Variants in INPP4B observed in about 807,000 individuals in gnomAD.
The protein encoded by INPP4B is inositol polyphosphate 4-phosphatase type II.
In INPP4B, 55 loss-of-function variants were observed where a neutral mutation model predicts 122.5. The ratio of observed to expected loss-of-function variants is 0.45; its 90% CI spans 0.36 to 0.56. The LOEUF (loss-of-function observed/expected upper bound fraction) is 0.56. Among genes scored for constraint, INPP4B ranks in the 20% least tolerant of loss-of-function variants. The pLI is 0.00. For missense variants in INPP4B, 1,000 were observed against 1,097.7 expected (o/e 0.91, Z 1.26); for synonymous variants, 403 against 388.7 (o/e 1.04, Z -0.43).
chr4:142,085,217 T>C (rs1163393399), intron 24 of INPP4B, among the ~76,000 whole-genome samples: 4 of 152,182 alleles, frequency 2.6e-5, no homozygotes, highest in Non-Finnish European at 4.4e-5. Flanking sequence ...ATCCATTCCT[T>C]TTTCCCAGAA....
At chr4:142,652,371 G>A (rs904782255) in intron 2 of INPP4B, among the ~76,000 whole-genome samples, 6 of 151,982 alleles carry the variant, frequency 3.9e-5, no homozygotes, top group Non-Finnish European at 8.8e-5. Flanking sequence ...TTCTGGCCAG[G>A]GCAATCAGGC....
chr4:142,533,334 T>C (rs1352840291), intron 2 of INPP4B, among the ~76,000 whole-genome samples: 1 of 152,198 alleles, frequency 6.6e-6, no homozygotes. Context: ...TTTAGGAAGA[T>C]TGTATGGTGA....
chr4:142,278,105 C>T (rs1263040175), intron 9 of INPP4B, among the ~76,000 whole-genome samples: 1 of 151,834 alleles, frequency 6.6e-6, no homozygotes, highest in Non-Finnish European at 1.5e-5. Context: ...CCATTGGGTT[C>T]CAGTTGCAGG....
intron 9 of INPP4B, among the ~76,000 whole-genome samples, chr4:142,278,663 A>C (rs1490076753): frequency 6.6e-6 from 1 of 151,786 alleles, no homozygotes; most frequent in Admixed American, 6.6e-5. Flanking sequence ...TGTACAGGAG[A>C]GTAGGTAAAT....
intron 2 of INPP4B, among the ~76,000 whole-genome samples, chr4:142,712,023 G>A (rs556379048): frequency 6.6e-6 from 1 of 152,262 alleles, no homozygotes; most frequent in East Asian, 1.9e-4. Flanking sequence ...ACTCCAGCCT[G>A]TGTGACAGAG....
chr4:142,753,130 T>C (rs899451837), intron 1 of INPP4B, among the ~76,000 whole-genome samples: 6 of 152,232 alleles, frequency 3.9e-5, no homozygotes, highest in African/African-American at 9.6e-5. Context: ...AGATGTAATG[T>C]TTAAAAAATA....
At chr4:142,496,538 GC>G (rs1462454124) in intron 2 of INPP4B, among the ~76,000 whole-genome samples, 1 of 152,190 alleles carries the variant, frequency 6.6e-6, no homozygotes, top group East Asian at 1.9e-4. Context: ...TCTACCATTA[GC>G]ATATGAGACT....
intron 2 of INPP4B, among the ~76,000 whole-genome samples, chr4:142,478,795 G>T (rs1213952378): frequency 3.3e-5 from 5 of 152,048 alleles, no homozygotes; most frequent in Admixed American, 6.6e-5. Context: ...AATAATACTG[G>T]CCTCATAGAA....
At chr4:142,577,729 T>G (rs1029688670) in intron 2 of INPP4B, among the ~76,000 whole-genome samples, 1 of 151,994 alleles carries the variant, frequency 6.6e-6, no homozygotes, top group Non-Finnish European at 1.5e-5. Flanking sequence ...GTGCGTCATA[T>G]AGAATAGTGC....
chr4:142,234,989 C>T (rs1191978725), intron 12 of INPP4B, among the ~76,000 whole-genome samples: 1 of 152,164 alleles, frequency 6.6e-6, no homozygotes, highest in East Asian at 1.9e-4. Flanking sequence ...ATGACAGTGG[C>T]TATGCCTACA....
At chr4:142,618,690 A>G (rs1457075922) in intron 2 of INPP4B, among the ~76,000 whole-genome samples, 2 of 152,130 alleles carry the variant, frequency 1.3e-5, no homozygotes, top group South Asian at 2.1e-4. Flanking sequence ...TTTCTTGCAT[A>G]TGACACCAAA....
chr4:142,345,518 T>C (rs879629945), intron 7 of INPP4B, among the ~76,000 whole-genome samples: 4 of 152,028 alleles, frequency 2.6e-5, no homozygotes, highest in Non-Finnish European at 5.9e-5. Context: ...GGTGTAGTTA[T>C]ATCACTCAAT....
At chr4:142,144,066 A>G (rs1184435343) in intron 18 of INPP4B, among the ~76,000 whole-genome samples, 1 of 152,048 alleles carries the variant, frequency 6.6e-6, no homozygotes, top group African/African-American at 2.4e-5. Context: ...CTACTTCTGC[A>G]GCAACTTCTA....
chr4:142,121,145 G>A lies in INPP4B; in HGVS notation c.2135+983C>T, dbSNP rs562218390. On this transcript the variant is annotated intron_variant, in intron 21 of 25. Transcript: ENST00000262992. ...TGTACTGTTTTTCAGGTGTGCGTAT[G>A]AGCAATTTTATTCTTTTTCTCCCAA... Among the ~76,000 whole-genome samples, 17 of 152,180 alleles carry A rather than the reference G, an allele frequency of 1.1e-4. No individual in the cohort carries two copies. The East Asian group carries it at 3.3e-3, about 29-fold the overall frequency.
At chr4:142,764,743 A>G (rs936811916) in intron 1 of INPP4B, among the ~76,000 whole-genome samples, 1 of 151,800 alleles carries the variant, frequency 6.6e-6, no homozygotes, top group African/African-American at 2.4e-5. Context: ...AATGTTAATC[A>G]AGATCTACTC....
intron 7 of INPP4B, among the ~76,000 whole-genome samples, chr4:142,376,170 C>T (rs911053943): frequency 3.3e-5 from 5 of 151,982 alleles, no homozygotes; most frequent in African/African-American, 1.2e-4. Context: ...AATTGTGACA[C>T]AACTGAAACC....
intron 1 of INPP4B, among the ~76,000 whole-genome samples, chr4:142,758,924 G>T (rs1348344484): frequency 1.4e-5 from 2 of 147,908 alleles, no homozygotes; most frequent in African/African-American, 5.0e-5. Flanking sequence ...CTGCACTCCA[G>T]CCTGAGAGAC....
At chr4:142,031,582 T>C (rs1018394524) in intron 25 of INPP4B, among the ~76,000 whole-genome samples, 6 of 152,326 alleles carry the variant, frequency 3.9e-5, no homozygotes, top group African/African-American at 1.4e-4. Flanking sequence ...GGAAAACAAA[T>C]GGTTTACTGA....
At chr4:142,463,733 C>T (rs1012508289) in intron 2 of INPP4B, among the ~76,000 whole-genome samples, 2 of 152,058 alleles carry the variant, frequency 1.3e-5, no homozygotes, top group African/African-American at 4.8e-5. Flanking sequence ...TGAGTTCTCA[C>T]AAGATCTTAT....
Sources: allele counts gnomAD v4.1 joint callset (sites outside exome capture counted in the v4.1 genomes callset), GRCh38; gene constraint gnomAD v4.1.1; transcripts MANE v1.5; gene names NCBI Gene and HGNC (gene_info 2026-07-23, HGNC 2026-07-21).